STXBP5L: variants seen among roughly 807,000 people sequenced by gnomAD.
The protein encoded by STXBP5L is syntaxin binding protein 5L.
In STXBP5L, 65 loss-of-function variants were observed where a neutral mutation model predicts 144.5. That is an observed-to-expected ratio of 0.45 (90% CI 0.37 to 0.55). STXBP5L has a LOEUF of 0.55. Ranked by LOEUF, STXBP5L falls within the 20% of genes least tolerant of loss-of-function variation. The pLI is 0.00. For missense variants in STXBP5L, 1,298 were observed against 1,405.5 expected, an observed-to-expected ratio of 0.92 and a Z score of 1.22; for synonymous variants, 505 against 469.6, an observed-to-expected ratio of 1.08 and a Z score of -0.97.
chr3:121,320,249 G>T (rs2043925013), intron 20 of STXBP5L, among the ~76,000 whole-genome samples: 1 of 151,692 alleles, frequency 6.6e-6, no homozygotes, highest in Admixed American at 6.6e-5. Context: ...TTATTCCTTT[G>T]TGTTTGTTTT....
chr3:121,027,735 C>G (rs1369443052), intron 3 of STXBP5L, among the ~76,000 whole-genome samples: 1 of 152,052 alleles, frequency 6.6e-6, no homozygotes, highest in Non-Finnish European at 1.5e-5. Context: ...GTCAGCCAAA[C>G]AGTGACCTTC....
chr3:121,193,711 A>G (rs940285425), intron 9 of STXBP5L, among the ~76,000 whole-genome samples: 4 of 152,152 alleles, frequency 2.6e-5, no homozygotes, highest in African/African-American at 9.7e-5. Context: ...TTCTCAGCAA[A>G]CTATCACAAG....
intron 9 of STXBP5L, among the ~76,000 whole-genome samples, chr3:121,179,081 C>A (rs545733113): frequency 1.3e-5 from 2 of 152,038 alleles, no homozygotes; most frequent in Admixed American, 1.3e-4. Flanking sequence ...AAGCTTATGA[C>A]CTGGGGCAGG....
chr3:121,159,917 C>T (rs2046259285), intron 9 of STXBP5L, among the ~76,000 whole-genome samples: 1 of 152,146 alleles, frequency 6.6e-6, no homozygotes, highest in Non-Finnish European at 1.5e-5. Context: ...CAGGCGTGAG[C>T]CACCGCGCCC....
chr3:121,303,351 T>C (rs934850372), intron 19 of STXBP5L, among the ~76,000 whole-genome samples: 2 of 151,944 alleles, frequency 1.3e-5, no homozygotes, highest in African/African-American at 4.8e-5. Flanking sequence ...CCAGTTAGAA[T>C]GGCAATCATT....
intron 5 of STXBP5L, among the ~76,000 whole-genome samples, chr3:121,082,290 T>G (rs879419205): frequency 4.0e-5 from 6 of 149,962 alleles, no homozygotes; most frequent in Non-Finnish European, 5.9e-5. Context: ...CTTTGATTTC[T>G]TTCATCATTT....
intron 3 of STXBP5L, among the ~76,000 whole-genome samples, chr3:120,987,743 ATAT>A (rs1019508923): frequency 6.6e-4 from 100 of 151,846 alleles, no homozygotes; most frequent in African/African-American, 2.3e-3. Flanking sequence ...TTATACTTAA[ATAT>A]TAGTTTTATT....
chr3:121,250,818 C>G (rs1577304935), intron 15 of STXBP5L, 55 bp downstream of exon 15: 2 of 1,447,670 alleles, frequency 1.4e-6, no homozygotes, highest in Non-Finnish European at 9.5e-7. Flanking sequence ...TTACTTATAG[C>G]CAGCTACCAC....
chr3:121,173,664 A>C (rs935536373), intron 9 of STXBP5L, among the ~76,000 whole-genome samples: 6 of 152,108 alleles, frequency 3.9e-5, no homozygotes, highest in South Asian at 2.1e-4. Context: ...AGAGAAAAGA[A>C]AATGTTATTA....
chr3:121,378,733 T>C lies in STXBP5L; in HGVS notation c.2194T>C (p.Cys732Arg). ...TGGCACAGACCATGTAAATGGACACTGCACAAGTCCAACTTCTCAGAGTTG... is the reference window on the plus strand; with the variant it reads ...TGGCACAGACCATGTAAATGGACACCGCACAAGTCCAACTTCTCAGAGTTG... ...SPTSDHVNGH[C>R]TSPTSQSCSS... The change falls in exon 21 of 27, where the codon TGC (cysteine) becomes CGC (arginine). Residue 732 changes from cysteine to arginine, a missense_variant. Cys to Arg is a radical substitution (Grantham distance 180). Transcript: ENST00000471454. 1 of 1,613,544 alleles carries C rather than the reference T, an allele frequency of 6.2e-7. No individual in the cohort carries two copies. Among genetic ancestry groups the C allele is most frequent in the Non-Finnish European group, 8.5e-7 (1 of 1,179,718 alleles).
At chr3:121,293,353 A>C (rs2051519710) in intron 19 of STXBP5L, among the ~76,000 whole-genome samples, 1 of 152,204 alleles carries the variant, frequency 6.6e-6, no homozygotes, top group Admixed American at 6.5e-5. Flanking sequence ...AGAGAGGGTT[A>C]CAAAAGGGCA....
At chr3:121,008,595 T>C (rs1171594951) in intron 3 of STXBP5L, among the ~76,000 whole-genome samples, 1 of 151,996 alleles carries the variant, frequency 6.6e-6, no homozygotes, top group African/African-American at 2.4e-5. Flanking sequence ...ATAACACACT[T>C]AAAACTATAT....
intron 3 of STXBP5L, among the ~76,000 whole-genome samples, chr3:121,003,259 G>T (rs545116721): frequency 6.6e-6 from 1 of 152,244 alleles, no homozygotes; most frequent in Non-Finnish European, 1.5e-5. Flanking sequence ...TAACTGGTGT[G>T]AGACGGTATC....
At chr3:120,960,923 A>G (rs1487168752) in intron 3 of STXBP5L, among the ~76,000 whole-genome samples, 3 of 151,882 alleles carry the variant, frequency 2.0e-5, no homozygotes, top group African/African-American at 7.2e-5. Flanking sequence ...AAAAAAAGGA[A>G]TTCAGCCATG....
At chr3:121,215,206 A>G (rs1348128250) in intron 10 of STXBP5L, among the ~76,000 whole-genome samples, 1 of 152,124 alleles carries the variant, frequency 6.6e-6, no homozygotes, top group African/African-American at 2.4e-5. Context: ...ACTTACATTT[A>G]AGGTTAATAT....
intron 9 of STXBP5L, among the ~76,000 whole-genome samples, chr3:121,159,856 T>C (rs1022004856): frequency 1.3e-5 from 2 of 151,916 alleles, no homozygotes; most frequent in African/African-American, 4.8e-5. Flanking sequence ...ATGGTCTCGA[T>C]CTCCTGACCT....
intron 5 of STXBP5L, among the ~76,000 whole-genome samples, chr3:121,070,614 G>A (rs189766393): frequency 6.6e-6 from 1 of 152,002 alleles, no homozygotes; most frequent in South Asian, 2.1e-4. Context: ...TCTTGAGTGG[G>A]TACATACCCA....
rs781098880 is a variant in STXBP5L at position 121,250,710 on chromosome 3, A to G, written c.1401-13A>G. ...AGTATACTTTAATTAATGCTAATTT[A>G]TTTCTCATCTAGTCATGCAGATGGA... On this transcript the variant is annotated splice_polypyrimidine_tract_variant and intron_variant, in intron 14 of 26. Coordinates refer to ENST00000471454, the MANE Select transcript of STXBP5L (RefSeq NM_001308330.2). The G allele has an allele frequency of 2.5e-6, 4 of 1,602,304 alleles. No homozygotes were observed. Among genetic ancestry groups the G allele is most frequent in the Non-Finnish European group, 3.4e-6 (4 of 1,173,266 alleles).
At chr3:121,193,796 G>A (rs1172551393) in intron 9 of STXBP5L, among the ~76,000 whole-genome samples, 1 of 152,102 alleles carries the variant, frequency 6.6e-6, no homozygotes, top group East Asian at 1.9e-4. Context: ...ACACAGGACA[G>A]GGAACATCAT....
Sources: allele counts gnomAD v4.1 joint callset (sites outside exome capture counted in the v4.1 genomes callset), GRCh38; gene constraint gnomAD v4.1.1; transcripts MANE v1.5; gene names NCBI Gene and HGNC (gene_info 2026-07-23, HGNC 2026-07-21).